Variants in UNC79 observed in about 807,000 individuals in gnomAD.
UNC79 encodes protein unc-79 homolog.
In UNC79, 37 loss-of-function variants were observed where a neutral mutation model predicts 283.1. The ratio of observed to expected loss-of-function variants is 0.13; its 90% CI spans 0.10 to 0.17. The LOEUF is 0.17. UNC79 is among the 10% of genes least tolerant of loss of function. UNC79 has a pLI of 1.00. For missense variants in UNC79, 2,272 were observed against 3,211.1 expected, an observed-to-expected ratio of 0.71 and a Z score of 7.07; for synonymous variants, 1,107 against 1,200.2, an observed-to-expected ratio of 0.92 and a Z score of 1.61.
intron 7 of UNC79, among the ~76,000 whole-genome samples, chr14:93,517,160 TTTCC>T (rs989569832): frequency 4.6e-5 from 7 of 151,470 alleles, no homozygotes; most frequent in African/African-American, 9.7e-5. Context: ...GCCTTTCTTT[TTTCC>T]TTCCTTCCTT....
chr14:93,634,842 C>T (rs1162020654), intron 31 of UNC79, among the ~76,000 whole-genome samples: 1 of 152,154 alleles, frequency 6.6e-6, no homozygotes, highest in Non-Finnish European at 1.5e-5. Context: ...TTGAGGCTGG[C>T]CCAACTCTTG....
intron 1 of UNC79, among the ~76,000 whole-genome samples, chr14:93,418,689 C>T (rs2055520870): frequency 6.6e-6 from 1 of 151,834 alleles, no homozygotes; most frequent in Non-Finnish European, 1.5e-5. Context: ...TTCGAGCTTC[C>T]CGCCTGCTTT....
intron 3 of UNC79, among the ~76,000 whole-genome samples, chr14:93,476,924 A>G (rs1228062815): frequency 1.3e-5 from 2 of 152,224 alleles, no homozygotes; most frequent in Admixed American, 1.3e-4. Flanking sequence ...CATTTATCTC[A>G]TTAAAACCTC....
chr14:93,622,109 A>G lies in UNC79; in HGVS notation c.4876A>G (p.Thr1626Ala), dbSNP rs78221379. 5 of 1,613,498 alleles carry G rather than the reference A, an allele frequency of 3.1e-6. No individual in the cohort carries two copies. The highest frequency in any genetic ancestry group is 1.3e-5 in the African/African-American group (1 of 74,708). Reference sequence around the variant, plus strand: ...GCCTGAAAAACACTCTATACTCTCAACCTCCGACAGCGACTCTCTTGTATT... The same window carrying G: ...GCCTGAAAAACACTCTATACTCTCAGCCTCCGACAGCGACTCTCTTGTATT... The change falls in exon 30 of 49, where the codon ACC becomes GCC. Residue 1626 changes from threonine to alanine, a missense_variant. Thr to Ala is a moderately conservative substitution (Grantham distance 58, BLOSUM62 0). This residue lies in a region of UNC79 where 580 missense variants were observed against 632.2 expected (regional missense o/e 0.92). Coordinates refer to ENST00000555664, the Ensembl canonical transcript of UNC79.
At chr14:93,528,506 A>G in intron 8 of UNC79, 52 bp from the exon 9 acceptor site, 5 of 1,524,536 alleles carry the variant, frequency 3.3e-6, no homozygotes, top group Non-Finnish European at 4.5e-6. Flanking sequence ...GAATATAGGG[A>G]ATGTGATACC....
intron 1 of UNC79, among the ~76,000 whole-genome samples, chr14:93,442,828 C>T (rs939179492): frequency 1.3e-5 from 2 of 152,160 alleles, no homozygotes; most frequent in Non-Finnish European, 2.9e-5. Context: ...GTGCCTTATG[C>T]CTGTAATCTC....
At chr14:93,369,956 C>T (rs1450991378) in intron 1 of UNC79, among the ~76,000 whole-genome samples, 1 of 152,146 alleles carries the variant, frequency 6.6e-6, no homozygotes. Flanking sequence ...ATGTAGCCAT[C>T]CTGTCCCACT....
chr14:93,640,488 C>T (rs1360364029), intron 32 of UNC79, among the ~76,000 whole-genome samples: 1 of 152,098 alleles, frequency 6.6e-6, no homozygotes, highest in Non-Finnish European at 1.5e-5. Context: ...ATTAGCCAGG[C>T]ATTGTGGCGT....
rs79047094 is a variant in UNC79 at position 93,590,602 on chromosome 14, C to T, written c.3033-3078C>T. 4.2e-3 allele frequency among the ~76,000 whole-genome samples: 642 copies of T among 152,272 alleles called. 3 individuals carry two copies. Among genetic ancestry groups the T allele is most frequent in the African/African-American group, 0.015 (613 of 41,548 alleles). On this transcript the variant is annotated intron_variant, in intron 22 of 48. Transcript: ENST00000555664. ...TGTTAGTGCCATGGGACTACCCACT[C>T]GGCCTTTAGGGTCCATAGCCCAGGC...
In UNC79 at chr14:93,347,459, G is replaced by C. The variant is rs928948617; in HGVS notation, c.-351+13936G>C. 2.2e-6 allele frequency: 3 copies of C among 1,385,208 alleles called. No individual in the cohort carries two copies. In the African/African-American group the frequency reaches 4.6e-5, roughly 21 times the overall value. The allele number at this position is 1,385,208 out of a possible 1,614,324, so 85.8% of individuals were successfully genotyped here. Reference sequence around the variant, plus strand: ...GTGGCCCTGGCGGGGCGCCCCGACGGGTGGGGAGAAGGGAGGACACGGCGT... The same window carrying C: ...GTGGCCCTGGCGGGGCGCCCCGACGCGTGGGGAGAAGGGAGGACACGGCGT... On this transcript the variant is annotated intron_variant, in intron 1 of 49. Coordinates refer to the UNC79 transcript ENST00000256339.
At chr14:93,573,302 A>G (rs538448907) in intron 16 of UNC79, among the ~76,000 whole-genome samples, 1 of 152,244 alleles carries the variant, frequency 6.6e-6, no homozygotes, top group South Asian at 2.1e-4. Flanking sequence ...CTGCTACTTC[A>G]AACCCTCATC....
At chr14:93,651,281 T>A (rs1370878542) in intron 35 of UNC79, among the ~76,000 whole-genome samples, 3 of 152,218 alleles carry the variant, frequency 2.0e-5, no homozygotes, top group Non-Finnish European at 4.4e-5. Flanking sequence ...TCTTTACATT[T>A]TCATATAAAT....
At chr14:93,481,530 C>T (rs926852689) in intron 4 of UNC79, among the ~76,000 whole-genome samples, 2 of 152,074 alleles carry the variant, frequency 1.3e-5, no homozygotes, top group African/African-American at 2.4e-5. Context: ...ATTATTCTAA[C>T]GTATCCTAGT....
At chr14:93,574,349 T>C (rs2141642517) in intron 16 of UNC79, among the ~76,000 whole-genome samples, 1 of 152,224 alleles carries the variant, frequency 6.6e-6, no homozygotes, top group African/African-American at 2.4e-5. Flanking sequence ...GTGGTTAGAG[T>C]TGACTCATTT....
intron 11 of UNC79, among the ~76,000 whole-genome samples, chr14:93,536,885 T>C (rs1304177636): frequency 6.7e-6 from 1 of 150,184 alleles, no homozygotes; most frequent in Non-Finnish European, 1.5e-5. Context: ...CTTGCTATCA[T>C]TTTTTTCCTA....
intron 1 of UNC79, among the ~76,000 whole-genome samples, chr14:93,381,467 G>T (rs1478977495): frequency 1.8e-4 from 27 of 152,336 alleles, no homozygotes; most frequent in Admixed American, 1.8e-3. Flanking sequence ...GTCTGGAGCT[G>T]CCCTGTCAGG....
chr14:93,549,461 T>G (rs575541775), intron 14 of UNC79, among the ~76,000 whole-genome samples: 1 of 152,350 alleles, frequency 6.6e-6, no homozygotes, highest in African/African-American at 2.4e-5. Flanking sequence ...AATATTATAC[T>G]TGTCTCATTT....
chr14:93,512,788 G>C (rs2140878684), intron 7 of UNC79, among the ~76,000 whole-genome samples: 1 of 151,944 alleles, frequency 6.6e-6, no homozygotes, highest in Non-Finnish European at 1.5e-5. Flanking sequence ...ATCTATTTCT[G>C]TATATTCTTT....
Position 93,622,003 on chromosome 14 carries a change from G to T in UNC79, c.4770G>T (p.Glu1590Asp), listed in dbSNP as rs753365177. Reference sequence around the variant, plus strand: ...GGTTAAACTGTATGGAGACTTTCGAGGTGAAAGTTGACTCGCCGGTAAAGC... The same window carrying T: ...GGTTAAACTGTATGGAGACTTTCGATGTGAAAGTTGACTCGCCGGTAAAGC... The change falls in exon 30 of 49, where the codon GAG (glutamate) becomes GAT (aspartate). Residue 1590 changes from glutamate to aspartate, a missense_variant. Around this residue, in one of 11 missense-constraint regions of UNC79, gnomAD observed 580 missense variants for 632.2 expected, o/e 0.92. Coordinates refer to ENST00000555664, the Ensembl canonical transcript of UNC79. The T allele has an allele frequency of 2.5e-6, 4 of 1,613,946 alleles. No individual in the cohort carries two copies. In the African/African-American group the frequency reaches 5.3e-5, roughly 22 times the overall value.
Sources: allele counts gnomAD v4.1 joint callset (sites outside exome capture counted in the v4.1 genomes callset), GRCh38; gene constraint gnomAD v4.1.1; regional missense constraint gnomAD v4.1.1; transcripts MANE v1.5; gene names NCBI Gene and HGNC (gene_info 2026-07-23, HGNC 2026-07-21).